The following HOOK3 variants were observed in gnomAD, a reference collection of about 807,000 sequenced individuals.
HOOK3 encodes protein Hook homolog 3.
Under a neutral mutation model 116.3 loss-of-function variants are expected in HOOK3, and 24 were observed. The ratio of observed to expected loss-of-function variants is 0.21; its 90% confidence interval spans 0.15 to 0.29. The LOEUF is 0.29. Among genes scored for constraint, HOOK3 ranks in the 10% least tolerant of loss-of-function variants. The pLI, the probability that HOOK3 is intolerant of heterozygous loss-of-function variation, is 1.00. For missense variants in HOOK3, 632 were observed against 830.2 expected (o/e 0.76, Z 2.93); for synonymous variants, 275 against 283.0 (o/e 0.97, Z 0.28).
At chr8:42,905,405 T>C (rs544874025) in intron 1 of HOOK3, among the ~76,000 whole-genome samples, 1 of 151,688 alleles carries the variant, frequency 6.6e-6, no homozygotes, top group African/African-American at 2.4e-5. Context: ...GGCCTAATCT[T>C]AAGATGATTG....
intron 12 of HOOK3, among the ~76,000 whole-genome samples, chr8:42,973,863 G>T (rs570043501): frequency 1.6e-4 from 24 of 152,298 alleles, no homozygotes; most frequent in African/African-American, 5.3e-4. Context: ...GTTAAAGATG[G>T]AGTAGACAGT....
At chr8:42,902,992 G>T (rs761921059) in intron 1 of HOOK3, among the ~76,000 whole-genome samples, 3 of 152,174 alleles carry the variant, frequency 2.0e-5, no homozygotes, top group Non-Finnish European at 4.4e-5. Flanking sequence ...ACTGTAGAAT[G>T]GAAGCAAGTG....
chr8:42,937,351 G>GTTTTTT (rs1327065736), intron 4 of HOOK3, among the ~76,000 whole-genome samples: 1 of 123,646 alleles, frequency 8.1e-6, no homozygotes. Flanking sequence ...TGGATTCATT[G>GTTTTTT]ATTTTTTTTT....
chr8:43,024,825 C>T lies in HOOK3; in HGVS notation c.*6327C>T, dbSNP rs942768634. ...TATGCTAACAGAGCTAATTTCCACC[C>T]AATCCCTCAAATTACCGAAGTATTA... is the stretch of plus-strand genomic sequence containing the variant. On this transcript the variant is annotated 3_prime_UTR_variant, in exon 22 of 22. Coordinates refer to ENST00000307602, the MANE Select transcript of HOOK3 (RefSeq NM_032410.4). 1.5e-5 allele frequency: 3 copies of T among 206,524 alleles called. No homozygotes were observed. The highest frequency in any genetic ancestry group is 6.8e-5 in the African/African-American group (3 of 43,846). The allele number at this position is 206,524 out of a possible 1,614,324, so 12.8% of individuals were successfully genotyped here. A position where few individuals can be genotyped will look rare whatever the true frequency, so the allele number is the denominator to read the frequency against.
At chr8:42,992,710 CAA>C (rs35064772) in intron 15 of HOOK3, among the ~76,000 whole-genome samples, 8 of 56,594 alleles carry the variant, frequency 1.4e-4, no homozygotes, top group Admixed American at 1.9e-4. Flanking sequence ...GACTCCATCT[CAA>C]AAAAAAAAAA....
intron 2 of HOOK3, among the ~76,000 whole-genome samples, chr8:42,908,677 C>T (rs1181693201): frequency 6.6e-6 from 1 of 152,176 alleles, no homozygotes; most frequent in Non-Finnish European, 1.5e-5. Flanking sequence ...GGATTAAAGA[C>T]TTTTAAACAT....
chr8:42,906,141 T>G (rs762631299), intron 1 of HOOK3, 32 bp from the exon 2 acceptor site: 2 of 783,078 alleles, frequency 2.6e-6, no homozygotes, highest in Non-Finnish European at 4.1e-6. Flanking sequence ...AACCACAGAA[T>G]CTCTCCCCCC....
chr8:42,962,170 C>T (rs1170098165), intron 8 of HOOK3, among the ~76,000 whole-genome samples: 1 of 151,954 alleles, frequency 6.6e-6, no homozygotes, highest in Non-Finnish European at 1.5e-5. Context: ...CTGCACTCAA[C>T]TTCCTGGGCT....
intron 6 of HOOK3, among the ~76,000 whole-genome samples, chr8:42,953,487 T>C (rs1200134304): frequency 6.6e-6 from 1 of 151,540 alleles, no homozygotes; most frequent in Non-Finnish European, 1.5e-5. Context: ...TGGCTTCAAT[T>C]TGGGAGCCGG....
chr8:42,906,460 CTAA>C (rs1339038867), intron 2 of HOOK3, among the ~76,000 whole-genome samples: 1 of 152,116 alleles, frequency 6.6e-6, no homozygotes, highest in Non-Finnish European at 1.5e-5. Flanking sequence ...TGTTAGTACT[CTAA>C]TGGTTTTAGC....
At chr8:42,900,267 C>T (rs1445658032) in intron 1 of HOOK3, among the ~76,000 whole-genome samples, 1 of 152,140 alleles carries the variant, frequency 6.6e-6, no homozygotes, top group East Asian at 1.9e-4. Context: ...CTCTCTCCAC[C>T]CTCTGAGTCA....
intron 4 of HOOK3, 103 bp from the exon 5 acceptor site, chr8:42,943,210 T>C (rs1808161608): frequency 1.6e-6 from 1 of 630,082 alleles, no homozygotes; most frequent in African/African-American, 1.9e-5. Context: ...AATCACTCTG[T>C]CCTTGGCAAT....
At chr8:42,992,899 G>A (rs1402507499) in intron 15 of HOOK3, among the ~76,000 whole-genome samples, 1 of 152,076 alleles carries the variant, frequency 6.6e-6, no homozygotes, top group Non-Finnish European at 1.5e-5. Context: ...GATCTTAGAG[G>A]AGAGACTTTC....
intron 4 of HOOK3, among the ~76,000 whole-genome samples, chr8:42,939,441 A>G: frequency 7.3e-6 from 1 of 137,402 alleles, no homozygotes; most frequent in African/African-American, 2.8e-5. Flanking sequence ...GGCCGGGCAG[A>G]GGGGCTCCTC....
chr8:42,898,927 T>G (rs998839727), intron 1 of HOOK3, among the ~76,000 whole-genome samples: 1 of 152,216 alleles, frequency 6.6e-6, no homozygotes, highest in Non-Finnish European at 1.5e-5. Context: ...CAAAACGTGT[T>G]TTATAATAAA....
Position 42,966,340 on chromosome 8 carries a change from C to T in HOOK3, c.780-133C>T, listed in dbSNP as rs1808632729. ...TGACAGTTAGTGCTTGAGAATGCAG[C>T]TTGTGGCCACTAACATGGGAGACAT... On this transcript the variant is annotated intron_variant, in intron 9 of 21. Transcript: ENST00000307602. 4 of 836,690 alleles carry T rather than the reference C, an allele frequency of 4.8e-6. No individual in the cohort carries two copies. In the South Asian group the frequency reaches 9.4e-5, roughly 20 times the overall value. The allele number at this position is 836,690 out of a possible 1,614,324, so 51.8% of individuals were successfully genotyped here.
At chr8:42,930,488 A>G (rs1187104076) in intron 4 of HOOK3, among the ~76,000 whole-genome samples, 1 of 152,058 alleles carries the variant, frequency 6.6e-6, no homozygotes, top group East Asian at 1.9e-4. Context: ...ACCATTGTCT[A>G]CTTTCATTTT....
intron 21 of HOOK3, among the ~76,000 whole-genome samples, chr8:43,015,147 A>G (rs527932146): frequency 6.6e-6 from 1 of 152,216 alleles, no homozygotes; most frequent in South Asian, 2.1e-4. Flanking sequence ...AAAAAAAAAC[A>G]AAAAACAAAA....
At position 43,024,145 on chromosome 8, in the gene HOOK3, T is replaced by A. The variant is rs1036479428; in HGVS notation, c.*5647T>A. 4.9e-6 allele frequency: 1 copy of A among 205,220 alleles called. No homozygotes were observed. The highest frequency in any genetic ancestry group is 7.5e-5 in the East Asian group (1 of 13,372). 12.7% of individuals were successfully genotyped at this position (205,220 alleles called of 1,614,324 possible). A position where few individuals can be genotyped will look rare whatever the true frequency, so the allele number is the denominator to read the frequency against. ...TGTTTCTAAAGTGAGAGGAAAGTGC[T>A]TGGTATCTTGCTTTTTGCTGAGGGC... On this transcript the variant is annotated 3_prime_UTR_variant, in exon 22 of 22. Transcript: ENST00000307602.
Sources: allele counts gnomAD v4.1 joint callset (sites outside exome capture counted in the v4.1 genomes callset), GRCh38; gene constraint gnomAD v4.1.1; transcripts MANE v1.5; gene names NCBI Gene and HGNC (gene_info 2026-07-23, HGNC 2026-07-21).